PARD3: variants seen among roughly 807,000 people sequenced by gnomAD.
The protein encoded by PARD3 is partitioning defective 3 homolog.
PARD3 carries 75 observed loss-of-function variants against 155.4 expected under a neutral mutation model. The observed-to-expected ratio is 0.48, with a 90% CI of 0.40 to 0.58. The LOEUF (loss-of-function observed/expected upper bound fraction) is 0.58, where lower values mean the gene tolerates loss of function less well. Among genes scored for constraint, PARD3 ranks in the 20% least tolerant of loss-of-function variants. The pLI is 0.00. For synonymous variants in PARD3, 576 were observed against 610.5 expected (o/e 0.94, Z 0.83); for missense variants, 1,642 against 1,721.7 (o/e 0.95, Z 0.82).
At chr10:34,151,645 G>C (rs563609805) in intron 22 of PARD3, among the ~76,000 whole-genome samples, 1 of 152,258 alleles carries the variant, frequency 6.6e-6, no homozygotes, top group South Asian at 2.1e-4. Flanking sequence ...GTTATAAAGG[G>C]TTGAAAAGCT....
chr10:34,478,414 T>C (rs988794349), intron 3 of PARD3, among the ~76,000 whole-genome samples: 8 of 152,232 alleles, frequency 5.3e-5, no homozygotes, highest in African/African-American at 1.7e-4. Flanking sequence ...TGCCTATATG[T>C]TGCACTTGAA....
chr10:34,317,841 C>T (rs1052572936), intron 19 of PARD3, among the ~76,000 whole-genome samples: 6 of 152,210 alleles, frequency 3.9e-5, no homozygotes, highest in Non-Finnish European at 7.3e-5. Context: ...TTTCCTTAGG[C>T]TCCCAACATA....
chr10:34,564,160 TTTA>T (rs777462584), intron 2 of PARD3, among the ~76,000 whole-genome samples: 6 of 152,240 alleles, frequency 3.9e-5, no homozygotes, highest in Admixed American at 2.6e-4. Context: ...CAAAGCATTT[TTTA>T]TGAGAAGTAA....
chr10:34,495,703 T>A (rs57563868), intron 3 of PARD3, among the ~76,000 whole-genome samples: 1,865 of 152,144 alleles, frequency 0.012, 38 homozygotes, highest in African/African-American at 0.043. Context: ...CCAACAGCTC[T>A]CAGGAGTCAG....
rs72784153 is a variant in PARD3 at position 34,124,997 on chromosome 10, C to T, written c.3541-5257G>A. Among the ~76,000 whole-genome samples, 534 of 151,946 alleles carry T rather than the reference C, an allele frequency of 3.5e-3. 5 individuals carry two copies. The highest frequency in any genetic ancestry group is 6.9e-3 in the Admixed American group (105 of 15,276). ...AGGGCAGAATAAAGTGCTGACTTTG[C>T]GACAGTACAGAGGCTCTCTCCATGT... On this transcript the variant is annotated intron_variant, in intron 23 of 24. Transcript: ENST00000374788.
chr10:34,244,782 A>G (rs1953836754), intron 22 of PARD3, among the ~76,000 whole-genome samples: 1 of 152,180 alleles, frequency 6.6e-6, no homozygotes, highest in Admixed American at 6.5e-5. Context: ...TGAAGTCATC[A>G]TTTTTCATTC....
At chr10:34,746,172 A>C (rs1835303897) in intron 1 of PARD3, among the ~76,000 whole-genome samples, 1 of 151,932 alleles carries the variant, frequency 6.6e-6, no homozygotes, top group Non-Finnish European at 1.5e-5. Flanking sequence ...ATCAAAAATA[A>C]TTTCTTGGCT....
chr10:34,567,146 T>C lies in PARD3; in HGVS notation c.223-49987A>G, dbSNP rs537976250. On this transcript the variant is annotated intron_variant, in intron 2 of 24. Transcript: ENST00000374788. ...CAAAGAAAACACAAGGTTAATGAGA[T>C]CTTGTTGAGCCAACCATTCCTAAAA... Among the ~76,000 whole-genome samples the C allele has an allele frequency of 2.0e-5, 3 of 152,320 alleles. No homozygotes were observed. In the East Asian group the frequency reaches 5.8e-4, roughly 29 times the overall value.
At chr10:34,617,092 A>C (rs2091308289) in intron 2 of PARD3, among the ~76,000 whole-genome samples, 1 of 151,596 alleles carries the variant, frequency 6.6e-6, no homozygotes, top group Non-Finnish European at 1.5e-5. Flanking sequence ...ATCTTTACTA[A>C]AAATACAAAA....
intron 1 of PARD3, among the ~76,000 whole-genome samples, chr10:34,814,600 G>A (rs1203581804): frequency 6.6e-6 from 1 of 151,858 alleles, no homozygotes; most frequent in East Asian, 2.0e-4. Context: ...GCCGCTGCCC[G>A]GCTCGCCCCG....
At chr10:34,663,095 G>C (rs774033151) in intron 2 of PARD3, among the ~76,000 whole-genome samples, 24 of 152,106 alleles carry the variant, frequency 1.6e-4, no homozygotes, top group Non-Finnish European at 2.9e-4. Context: ...CAGTTAGAAA[G>C]AATGAATAAG....
intron 2 of PARD3, among the ~76,000 whole-genome samples, chr10:34,517,696 C>A (rs750853257): frequency 6.6e-6 from 1 of 151,834 alleles, no homozygotes; most frequent in African/African-American, 2.4e-5. Context: ...CTACTACACG[C>A]CCCCCACACA....
chr10:34,632,476 T>C (rs2092310858), intron 2 of PARD3, among the ~76,000 whole-genome samples: 1 of 152,200 alleles, frequency 6.6e-6, no homozygotes, highest in Non-Finnish European at 1.5e-5. Context: ...GAATTAACTT[T>C]GGTTTTAAGG....
Position 34,502,396 on chromosome 10 carries a change from A to G in PARD3, c.403+14583T>C, listed in dbSNP as rs545082317. ...TGGACTCCAGAATCTGGAGAAGGCA[A>G]GAAAACAGATTCTCACCTAGAGCCT... On this transcript the variant is annotated intron_variant, in intron 3 of 24. Transcript: ENST00000374788. Among the ~76,000 whole-genome samples, 4 of 152,324 alleles carry G rather than the reference A, an allele frequency of 2.6e-5. No individual in the cohort carries two copies. In the South Asian group the frequency reaches 8.3e-4, roughly 32 times the overall value.
chr10:34,260,796 C>G (rs1052680920), intron 22 of PARD3, among the ~76,000 whole-genome samples: 2 of 152,134 alleles, frequency 1.3e-5, no homozygotes, highest in African/African-American at 4.8e-5. Flanking sequence ...TTTTCAGTAG[C>G]AAATACAACT....
At chr10:34,672,090 C>T (rs552951789) in intron 2 of PARD3, among the ~76,000 whole-genome samples, 5 of 152,096 alleles carry the variant, frequency 3.3e-5, no homozygotes, top group Admixed American at 3.3e-4. Flanking sequence ...ATCACCCGAG[C>T]CCAGGAGTTC....
chr10:34,764,128 G>A (rs1327218590), intron 1 of PARD3, among the ~76,000 whole-genome samples: 3 of 152,166 alleles, frequency 2.0e-5, no homozygotes, highest in East Asian at 3.8e-4. Flanking sequence ...AGATGACCCA[G>A]GCACTGGTCA....
chr10:34,229,720 C>G (rs1952818404), intron 22 of PARD3, among the ~76,000 whole-genome samples: 1 of 151,868 alleles, frequency 6.6e-6, no homozygotes, highest in African/African-American at 2.4e-5. Flanking sequence ...GTCACAAACT[C>G]TGTTCTGCCT....
intron 22 of PARD3, among the ~76,000 whole-genome samples, chr10:34,242,828 G>A (rs1254468158): frequency 1.3e-5 from 2 of 152,234 alleles, no homozygotes; most frequent in African/African-American, 2.4e-5. Flanking sequence ...CCAGCTACTC[G>A]GGAGGCTGAG....
Sources: gnomAD v4.1 joint callset for allele counts (sites outside exome capture counted in the v4.1 genomes callset) on GRCh38, gnomAD v4.1.1 for gene constraint, MANE v1.5 for transcripts, NCBI Gene and HGNC (gene_info 2026-07-23, HGNC 2026-07-21) for gene names.